Variants in DPYD observed in about 807,000 individuals in gnomAD.
DPYD encodes the protein dihydropyrimidine dehydrogenase [NADP(+)].
In DPYD, 109 loss-of-function variants were observed where a neutral mutation model predicts 116.2. The ratio of observed to expected loss-of-function variants is 0.94; its 90% confidence interval spans 0.80 to 1.10. The LOEUF is 1.10. DPYD is among the 50% of genes least tolerant of loss of function. DPYD has a pLI of 0.00. For missense variants in DPYD, 1,302 were observed against 1,254.5 expected, an observed-to-expected ratio of 1.04 and a Z score of -0.57; for synonymous variants, 440 against 432.0, an observed-to-expected ratio of 1.02 and a Z score of -0.23.
At chr1:97,346,923 T>C (rs908873415) in intron 16 of DPYD, among the ~76,000 whole-genome samples, 2 of 151,858 alleles carry the variant, frequency 1.3e-5, no homozygotes, top group Non-Finnish European at 2.9e-5. Flanking sequence ...GCATAAATGC[T>C]ATATAAAATA....
chr1:97,279,410 A>G (rs1036391829), intron 18 of DPYD, among the ~76,000 whole-genome samples: 1 of 152,164 alleles, frequency 6.6e-6, no homozygotes, highest in Non-Finnish European at 1.5e-5. Context: ...GACTGTCTGA[A>G]GATGGTATAT....
chr1:97,883,770 T>A, intron 1 of DPYD: 1 of 406,942 alleles, frequency 2.5e-6, no homozygotes. Flanking sequence ...TCAAACTTTA[T>A]CTAAGATTTC....
At chr1:97,568,099 C>T (rs1652656301) in intron 11 of DPYD, among the ~76,000 whole-genome samples, 1 of 151,764 alleles carries the variant, frequency 6.6e-6, no homozygotes. Context: ...ACAGACTGTT[C>T]AATCTTTTTT....
chr1:97,831,575 G>T (rs1288063262), intron 2 of DPYD, among the ~76,000 whole-genome samples: 1 of 152,048 alleles, frequency 6.6e-6, no homozygotes. Context: ...TACTTTACAG[G>T]ATAGGAAAGT....
At chr1:97,843,976 T>G (rs1406405878) in intron 2 of DPYD, among the ~76,000 whole-genome samples, 1 of 152,062 alleles carries the variant, frequency 6.6e-6, no homozygotes, top group Non-Finnish European at 1.5e-5. Flanking sequence ...TCAGATAGTG[T>G]TAAACACTAC....
chr1:97,090,968 A>C (rs1649860304), intron 21 of DPYD, among the ~76,000 whole-genome samples: 1 of 152,238 alleles, frequency 6.6e-6, no homozygotes, highest in African/African-American at 2.4e-5. Context: ...CCTCTGAAGA[A>C]ATAGACCATT....
intron 13 of DPYD, among the ~76,000 whole-genome samples, chr1:97,454,489 A>G (rs1676582189): frequency 1.3e-5 from 2 of 151,944 alleles, no homozygotes; most frequent in Admixed American, 6.6e-5. Flanking sequence ...TTCATTCTCT[A>G]TAATAAAAAA....
intron 3 of DPYD, among the ~76,000 whole-genome samples, chr1:97,764,496 C>A (rs866188637): frequency 1.3e-5 from 2 of 151,988 alleles, no homozygotes; most frequent in Admixed American, 1.3e-4. Flanking sequence ...ATAATGAATA[C>A]TTTTTAGCAT....
intron 10 of DPYD, among the ~76,000 whole-genome samples, chr1:97,583,873 T>A (rs1050988086): frequency 2.0e-5 from 3 of 152,158 alleles, no homozygotes; most frequent in Admixed American, 2.0e-4. Context: ...GCAATAAACA[T>A]ACATGTGCAT....
At chr1:97,876,790 A>C (rs1168645969) in intron 2 of DPYD, among the ~76,000 whole-genome samples, 1 of 152,036 alleles carries the variant, frequency 6.6e-6, no homozygotes, top group East Asian at 1.9e-4. Flanking sequence ...AGAATTTTAG[A>C]AGTCACGTTT....
intron 14 of DPYD, among the ~76,000 whole-genome samples, chr1:97,403,180 G>C (rs1051241001): frequency 2.6e-5 from 4 of 151,978 alleles, no homozygotes; most frequent in Admixed American, 6.6e-5. Context: ...TCCTGATAAG[G>C]CTGTAATAAA....
At chr1:97,675,498 A>G (rs1363543377) in intron 8 of DPYD, among the ~76,000 whole-genome samples, 1 of 152,152 alleles carries the variant, frequency 6.6e-6, no homozygotes, top group Admixed American at 6.5e-5. Flanking sequence ...ATTTCCTTGG[A>G]CTGTGGTAGT....
chr1:97,248,224 T>A (rs958569710), intron 18 of DPYD, among the ~76,000 whole-genome samples: 1 of 152,216 alleles, frequency 6.6e-6, no homozygotes, highest in African/African-American at 2.4e-5. Flanking sequence ...CATCTTGAAT[T>A]GTTAACTCCC....
At chr1:97,107,365 G>A (rs1651244965) in intron 20 of DPYD, among the ~76,000 whole-genome samples, 1 of 152,078 alleles carries the variant, frequency 6.6e-6, no homozygotes, top group Admixed American at 6.6e-5. Flanking sequence ...TGGACAACCT[G>A]GGAAGGGTAA....
At chr1:97,420,688 A>C (rs1674534124) in intron 14 of DPYD, among the ~76,000 whole-genome samples, 1 of 152,096 alleles carries the variant, frequency 6.6e-6, no homozygotes, top group Admixed American at 6.6e-5. Flanking sequence ...ATCTGTATTC[A>C]GCACTCAGGC....
At chr1:97,275,074 GC>G (rs1664849866) in intron 18 of DPYD, among the ~76,000 whole-genome samples, 1 of 152,066 alleles carries the variant, frequency 6.6e-6, no homozygotes, top group Non-Finnish European at 1.5e-5. Context: ...AGGTATAGAA[GC>G]AAGAGCAACC....
At chr1:97,353,319 G>A (rs1331836180) in intron 16 of DPYD, among the ~76,000 whole-genome samples, 1 of 152,128 alleles carries the variant, frequency 6.6e-6, no homozygotes. Context: ...GAGGGGCAGG[G>A]CTGCGGAATG....
intron 12 of DPYD, among the ~76,000 whole-genome samples, chr1:97,542,573 C>T (rs1015472466): frequency 1.3e-5 from 2 of 152,150 alleles, no homozygotes; most frequent in Non-Finnish European, 2.9e-5. Flanking sequence ...GCTGATTCCA[C>T]ATCCTAATAC....
intron 11 of DPYD, among the ~76,000 whole-genome samples, chr1:97,567,525 C>A (rs1419273628): frequency 6.6e-6 from 1 of 152,156 alleles, no homozygotes; most frequent in Non-Finnish European, 1.5e-5. Flanking sequence ...ACAGAAGGGT[C>A]GTATCTTCCC....
Sources: gnomAD v4.1 joint callset for allele counts (sites outside exome capture counted in the v4.1 genomes callset) on GRCh38, gnomAD v4.1.1 for gene constraint, MANE v1.5 for transcripts, NCBI Gene and HGNC (gene_info 2026-07-23, HGNC 2026-07-21) for gene names.